DIP2C: variants seen among roughly 807,000 people sequenced by gnomAD.
DIP2C encodes disco-interacting protein 2 homolog C.
In DIP2C, 33 loss-of-function variants were observed where a neutral mutation model predicts 192.4. The ratio of observed to expected loss-of-function variants is 0.17; its 90% CI spans 0.13 to 0.23. DIP2C has a LOEUF of 0.23. DIP2C is among the 10% of genes least tolerant of loss of function. The pLI, the probability that DIP2C is intolerant of heterozygous loss-of-function variation, is 1.00. For synonymous variants in DIP2C, 979 were observed against 864.1 expected (o/e 1.13, Z -2.33); for missense variants, 1,537 against 2,110.1 (o/e 0.73, Z 5.32).
At chr10:662,842 C>G in intron 1 of DIP2C, 1 of 717,436 alleles carries the variant, frequency 1.4e-6, no homozygotes. Flanking sequence ...GGAAAGAGGC[C>G]ACACCCACAG....
At chr10:488,908 C>CATA (rs1019265042) in intron 1 of DIP2C, among the ~76,000 whole-genome samples, 2 of 152,240 alleles carry the variant, frequency 1.3e-5, no homozygotes, top group African/African-American at 4.8e-5. Flanking sequence ...ACCACACACA[C>CATA]AGACGTCTGT....
intron 1 of DIP2C, among the ~76,000 whole-genome samples, chr10:598,502 G>C (rs1388778189): frequency 4.6e-5 from 7 of 152,174 alleles, no homozygotes; most frequent in Admixed American, 2.0e-4. Flanking sequence ...CCTCGCGACA[G>C]GGGTAGGGGA....
intron 1 of DIP2C, among the ~76,000 whole-genome samples, chr10:575,415 G>T (rs1850089328): frequency 6.6e-6 from 1 of 152,214 alleles, no homozygotes; most frequent in Non-Finnish European, 1.5e-5. Context: ...AGCAGTGAGA[G>T]AAAGGAGCTG....
At chr10:282,345 C>T (rs1589379235) in intron 35 of DIP2C, among the ~76,000 whole-genome samples, 1 of 152,204 alleles carries the variant, frequency 6.6e-6, no homozygotes, top group East Asian at 1.9e-4. Flanking sequence ...CAGGCAGTAG[C>T]CTCAAACTAG....
chr10:504,812 A>G (rs1029389751), intron 1 of DIP2C, among the ~76,000 whole-genome samples: 2 of 152,164 alleles, frequency 1.3e-5, no homozygotes, highest in East Asian at 3.8e-4. Context: ...TATAAACCAA[A>G]TCGCACTATG....
intron 31 of DIP2C, among the ~76,000 whole-genome samples, chr10:319,795 T>C (rs1485776354): frequency 4.6e-5 from 7 of 152,192 alleles, no homozygotes; most frequent in African/African-American, 1.7e-4. Flanking sequence ...CAAATAGCTT[T>C]TACTTCTAAA....
At chr10:439,615 C>T (rs544710776) in intron 4 of DIP2C, among the ~76,000 whole-genome samples, 10 of 152,224 alleles carry the variant, frequency 6.6e-5, no homozygotes, top group African/African-American at 2.4e-4. Flanking sequence ...TAGAGCAAGA[C>T]CCTGTCTCAA....
At chr10:580,999 G>A (rs1011439764) in intron 1 of DIP2C, among the ~76,000 whole-genome samples, 1 of 152,184 alleles carries the variant, frequency 6.6e-6, no homozygotes, top group African/African-American at 2.4e-5. Flanking sequence ...CTGACAATTT[G>A]ACTCACAGTA....
At chr10:499,050 T>C (rs574671779) in intron 1 of DIP2C, among the ~76,000 whole-genome samples, 7 of 152,240 alleles carry the variant, frequency 4.6e-5, no homozygotes, top group Admixed American at 3.9e-4. Context: ...GCACTGACTA[T>C]GAAAACTTCA....
At chr10:377,939 G>A (rs969582709) in intron 17 of DIP2C, among the ~76,000 whole-genome samples, 13 of 152,116 alleles carry the variant, frequency 8.5e-5, no homozygotes, top group African/African-American at 3.1e-4. Context: ...TAAAAATTAT[G>A]TTTTTCAGTT....
chr10:458,034 A>T (rs188544101), intron 3 of DIP2C, among the ~76,000 whole-genome samples: 1 of 152,196 alleles, frequency 6.6e-6, no homozygotes, highest in African/African-American at 2.4e-5. Flanking sequence ...CCGAAAGTGC[A>T]GTGATGAAGC....
chr10:448,983 G>A (rs1186136419), intron 3 of DIP2C, among the ~76,000 whole-genome samples: 1 of 87,060 alleles, frequency 1.1e-5, no homozygotes, highest in African/African-American at 5.2e-5. Flanking sequence ...TCGATACTCA[G>A]GATCACACAC....
At chr10:468,144 T>C (rs1970373523) in intron 3 of DIP2C, among the ~76,000 whole-genome samples, 1 of 152,168 alleles carries the variant, frequency 6.6e-6, no homozygotes, top group African/African-American at 2.4e-5. Flanking sequence ...GAAATCTGTC[T>C]ATTGGTAATA....
intron 1 of DIP2C, among the ~76,000 whole-genome samples, chr10:638,468 C>A (rs1564292745): frequency 6.6e-6 from 1 of 152,194 alleles, no homozygotes; most frequent in African/African-American, 2.4e-5. Flanking sequence ...AAAGGCTTTA[C>A]AGAGAGTCAA....
At chr10:313,418 C>T (rs1243487149) in intron 31 of DIP2C, among the ~76,000 whole-genome samples, 1 of 152,238 alleles carries the variant, frequency 6.6e-6, no homozygotes. Flanking sequence ...AGTCAGCCTT[C>T]CATATCTGTG....
rs567324083 is a variant in DIP2C at position 688,534 on chromosome 10, CA to C, written c.85+959del. ...AAAAGTTCACCATGCTAAACTGCTC[CA>C]AATATAAATGTGAGACGCGCCGGCC... On this transcript the variant is annotated intron_variant, in intron 1 of 36. Coordinates refer to ENST00000280886, the MANE Select transcript of DIP2C (RefSeq NM_014974.3). Among the ~76,000 whole-genome samples the C allele has an allele frequency of 2.1e-3, 327 of 152,280 alleles. 1 individual carries two copies. The highest frequency in any genetic ancestry group is 8.3e-3 in the South Asian group (40 of 4,828).
Position 585,390 on chromosome 10 carries a change from TGAGTATTCCACA to T in DIP2C, c.86-98872_86-98861del, listed in dbSNP as rs1248476792. ...GGGTGTTCCCAAACACACACAGCCCTGAGTATTCCACATAGTATTACATTCAGTAAATCGCAT... is the reference window on the plus strand; with the variant it reads ...GGGTGTTCCCAAACACACACAGCCCTTAGTATTACATTCAGTAAATCGCAT... On this transcript the variant is annotated intron_variant, in intron 1 of 36. Coordinates refer to ENST00000280886, the MANE Select transcript of DIP2C (RefSeq NM_014974.3). 2.6e-5 allele frequency among the ~76,000 whole-genome samples: 4 copies of T among 152,340 alleles called. No homozygotes were observed. In the East Asian group the frequency reaches 7.7e-4, roughly 29 times the overall value.
At chr10:416,009 G>T in intron 6 of DIP2C, 121 bp from the exon 7 acceptor site, 2 of 1,459,388 alleles carry the variant, frequency 1.4e-6, no homozygotes, top group Non-Finnish European at 1.9e-6. Context: ...TCCTAGATGC[G>T]ATCCTGGGAA....
chr10:624,549 G>GC, intron 1 of DIP2C, among the ~76,000 whole-genome samples: 1 of 152,324 alleles, frequency 6.6e-6, no homozygotes, highest in East Asian at 1.9e-4. Flanking sequence ...GCCTTGAGTG[G>GC]CTTGGAAGTC....
Sources: gnomAD v4.1 joint callset for allele counts (sites outside exome capture counted in the v4.1 genomes callset) on GRCh38, gnomAD v4.1.1 for gene constraint, MANE v1.5 for transcripts, NCBI Gene and HGNC (gene_info 2026-07-23, HGNC 2026-07-21) for gene names.